Variants in ENTPD3 observed in about 807,000 individuals in gnomAD.
ENTPD3 encodes CD39 antigen-like 3.
Under a neutral mutation model 51.2 loss-of-function variants are expected in ENTPD3, and 60 were observed. The ratio of observed to expected loss-of-function variants is 1.17; its 90% confidence interval spans 0.95 to 1.45. ENTPD3 has a LOEUF of 1.45. ENTPD3 is among the 40% of genes most tolerant of loss of function. The pLI is 0.00. For missense variants in ENTPD3, 593 were observed against 641.1 expected (o/e 0.93, Z 0.81); for synonymous variants, 221 against 238.4 (o/e 0.93, Z 0.67).
At chr3:40,417,795 G>A (rs1017300846) in intron 7 of ENTPD3, among the ~76,000 whole-genome samples, 1 of 152,166 alleles carries the variant, frequency 6.6e-6, no homozygotes, top group African/African-American at 2.4e-5. Flanking sequence ...CTTTTCTCCA[G>A]CTCCTTTTAC....
chr3:40,419,537 G>A (rs1043536190), intron 7 of ENTPD3, among the ~76,000 whole-genome samples: 4 of 152,122 alleles, frequency 2.6e-5, no homozygotes, highest in Non-Finnish European at 4.4e-5. Flanking sequence ...AACAAAAAAG[G>A]AAGTTTTTTG....
chr3:40,413,620 T>C (rs1032650527), intron 5 of ENTPD3, among the ~76,000 whole-genome samples: 5 of 152,136 alleles, frequency 3.3e-5, no homozygotes, highest in Non-Finnish European at 7.4e-5. Flanking sequence ...TCCCCCAGTC[T>C]TTCAGTGAGA....
chr3:40,404,926 T>C (rs1198936060), intron 4 of ENTPD3, among the ~76,000 whole-genome samples: 2 of 152,168 alleles, frequency 1.3e-5, no homozygotes, highest in South Asian at 2.1e-4. Context: ...CTGTTTTCCA[T>C]GAGTTCATTG....
chr3:40,398,880 G>C (rs1955273579), intron 3 of ENTPD3, among the ~76,000 whole-genome samples: 1 of 152,158 alleles, frequency 6.6e-6, no homozygotes, highest in African/African-American at 2.4e-5. Flanking sequence ...ATATCAATCT[G>C]TTTCTACTGT....
chr3:40,390,506 T>G (rs1324947387), intron 2 of ENTPD3, among the ~76,000 whole-genome samples: 1 of 152,144 alleles, frequency 6.6e-6, no homozygotes, highest in African/African-American at 2.4e-5. Context: ...AAGATTATTA[T>G]TTAGTCAGTA....
intron 3 of ENTPD3, among the ~76,000 whole-genome samples, chr3:40,398,135 T>G (rs1471120311): frequency 6.6e-6 from 1 of 152,190 alleles, no homozygotes; most frequent in Non-Finnish European, 1.5e-5. Context: ...GGGACAGCCA[T>G]TTCTCCAGTC....
In ENTPD3 at chr3:40,414,265, G is replaced by A. The variant is rs189983097; in HGVS notation, c.438-416G>A. ...CCCCTTCCTACTAAGCTCCCTTTCCGTCTGGTCAGATGAGGGTTCCTTCAT... is the reference window on the plus strand; with the variant it reads ...CCCCTTCCTACTAAGCTCCCTTTCCATCTGGTCAGATGAGGGTTCCTTCAT... On this transcript the variant is annotated intron_variant, in intron 5 of 10. Transcript: ENST00000301825. 3.8e-4 allele frequency among the ~76,000 whole-genome samples: 58 copies of A among 152,170 alleles called. No individual in the cohort carries two copies. In the East Asian group the frequency reaches 6.2e-3, roughly 16 times the overall value.
At chr3:40,391,105 G>A (rs1033551084) in intron 2 of ENTPD3, 1 of 152,006 alleles carries the variant, frequency 6.6e-6, no homozygotes, top group Non-Finnish European at 1.5e-5. Context: ...TGGGACTACA[G>A]GCGCATATGA....
At chr3:40,400,785 A>G in intron 3 of ENTPD3, 109 bp from the exon 4 acceptor site, 1 of 757,788 alleles carries the variant, frequency 1.3e-6, no homozygotes, top group Non-Finnish European at 2.2e-6. Flanking sequence ...GCCCTTCCCT[A>G]AGCGAAGCAG....
intron 4 of ENTPD3, among the ~76,000 whole-genome samples, chr3:40,410,586 C>A (rs1024463526): frequency 2.0e-4 from 31 of 152,040 alleles, no homozygotes; most frequent in African/African-American, 7.2e-4. Flanking sequence ...CACACTAATC[C>A]CTATATATTT....
chr3:40,402,832 T>C (rs1428942060), intron 4 of ENTPD3, among the ~76,000 whole-genome samples: 2 of 152,264 alleles, frequency 1.3e-5, no homozygotes, highest in African/African-American at 2.4e-5. Flanking sequence ...AAAAGTGTTA[T>C]AATTTTGCCT....
chr3:40,419,029 C>T (rs149025355), intron 7 of ENTPD3, among the ~76,000 whole-genome samples: 2 of 152,220 alleles, frequency 1.3e-5, no homozygotes, highest in Non-Finnish European at 2.9e-5. Flanking sequence ...TACTGAATGC[C>T]ATCACTGGTC....
At position 40,415,953 on chromosome 3, in the gene ENTPD3, G is replaced by GA; in HGVS notation, c.713dup (p.Asn238LysfsTer29). 6.2e-7 allele frequency: 1 copy of GA among 1,614,092 alleles called. No homozygotes were observed. Among genetic ancestry groups the GA allele is most frequent in the Non-Finnish European group, 8.5e-7 (1 of 1,179,996 alleles). On this transcript the variant is annotated frameshift_variant, in exon 7 of 11. Transcript: ENST00000301825. LOFTEE classifies it high-confidence loss of function. ...TCGTGGCAGGAGAGAAGATGGATCT[G>GA]AACACCAGCGACATCATGCAGGTGT...
intron 7 of ENTPD3, among the ~76,000 whole-genome samples, chr3:40,419,610 T>G (rs1256230691): frequency 6.6e-6 from 1 of 152,230 alleles, no homozygotes; most frequent in Non-Finnish European, 1.5e-5. Flanking sequence ...TGCTTATTAG[T>G]GACATCAACA....
At position 40,388,066 on chromosome 3, in the gene ENTPD3, T is replaced by A; in HGVS notation, c.9T>A (p.Thr3=). The A allele has an allele frequency of 6.2e-7, 1 of 1,614,154 alleles. No individual in the cohort carries two copies. Among genetic ancestry groups the A allele is most frequent in the Non-Finnish European group, 8.5e-7 (1 of 1,180,000 alleles). ...TGCAGCTAGGAGAAAAGATGTTCAC[T>A]GTGCTGACCCGCCAACCATGTGAGC... MF[T]VLTRQPCEQA... is the part of the protein sequence containing the mutation. Residue 3 remains threonine, a synonymous_variant, in exon 2 of 11, where the codon ACT becomes ACA. Transcript: ENST00000301825.
At chr3:40,424,859 A>G in intron 10 of ENTPD3, 3 of 693,994 alleles carry the variant, frequency 4.3e-6, no homozygotes, top group Non-Finnish European at 7.9e-6. Context: ...AATATCCTGC[A>G]TTAGGCCTCT....
chr3:40,423,707 G>A, intron 9 of ENTPD3, 119 bp from the exon 10 acceptor site: 1 of 1,144,426 alleles, frequency 8.7e-7, no homozygotes. Context: ...GTATTATAAA[G>A]TATTTTCTAT....
At chr3:40,397,115 G>GTTTATTTTTTTTTTTTTTT (rs1437880969) in intron 3 of ENTPD3, among the ~76,000 whole-genome samples, 1 of 23,882 alleles carries the variant, frequency 4.2e-5, no homozygotes, top group African/African-American at 1.1e-4. Flanking sequence ...TGGATAATTA[G>GTTTATTTTTTTTTTTTTTT]TTTCTTTTTT....
chr3:40,401,235 A>G (rs1955348412), intron 4 of ENTPD3, among the ~76,000 whole-genome samples: 1 of 152,160 alleles, frequency 6.6e-6, no homozygotes, highest in Non-Finnish European at 1.5e-5. Flanking sequence ...ATCTGTATAC[A>G]TGGAAAGGGG....
Sources: allele counts gnomAD v4.1 joint callset (sites outside exome capture counted in the v4.1 genomes callset), GRCh38; gene constraint gnomAD v4.1.1; transcripts MANE v1.5; gene names NCBI Gene and HGNC (gene_info 2026-07-23, HGNC 2026-07-21).